LZTS1: variants seen among roughly 807,000 people sequenced by gnomAD.
The protein encoded by LZTS1 is leucine zipper putative tumor suppressor 1.
LZTS1 carries 31 observed loss-of-function variants against 45.8 expected under a neutral mutation model. That is an observed-to-expected ratio of 0.68 (90% confidence interval 0.51 to 0.91). LZTS1 has a LOEUF of 0.91. Among genes scored for constraint, LZTS1 ranks in the 40% least tolerant of loss-of-function variants. The pLI, the probability that LZTS1 is intolerant of heterozygous loss-of-function variation, is 0.00. For missense variants in LZTS1, 821 were observed against 788.9 expected, an observed-to-expected ratio of 1.04 and a Z score of -0.49; for synonymous variants, 359 against 357.3, an observed-to-expected ratio of 1.00 and a Z score of -0.05.
At chr8:20,288,486 G>A (rs574904505) in intron 1 of LZTS1, among the ~76,000 whole-genome samples, 12 of 152,254 alleles carry the variant, frequency 7.9e-5, no homozygotes, top group East Asian at 5.8e-4. Flanking sequence ...GGTATGGGAC[G>A]ATGTACGACA....
rs1318779320 is a variant in LZTS1, at chr8:20,247,163, G to A, written c.*2559C>T. On this transcript the variant is annotated 3_prime_UTR_variant, in exon 4 of 4. Transcript: ENST00000381569. ...ACAAGGCCTGGGGGGGACACATCTGGGCCGGCCTGGGACAGGGCCATGGAG... is the reference window on the plus strand; with the variant it reads ...ACAAGGCCTGGGGGGGACACATCTGAGCCGGCCTGGGACAGGGCCATGGAG... 6.6e-6 allele frequency: 1 copy of A among 152,588 alleles called. No homozygotes were observed. The highest frequency in any genetic ancestry group is 1.5e-5 in the Non-Finnish European group (1 of 68,348). The allele number at this position is 152,588 out of a possible 1,614,324, so 9.5% of individuals were successfully genotyped here. A position where few individuals can be genotyped will look rare whatever the true frequency, so the allele number is the denominator to read the frequency against.
At chr8:20,300,674 T>G (rs570577323) in intron 1 of LZTS1, among the ~76,000 whole-genome samples, 1 of 152,298 alleles carries the variant, frequency 6.6e-6, no homozygotes, top group African/African-American at 2.4e-5. Context: ...ATGCAATCTC[T>G]GCTTCTAGGA....
At chr8:20,299,558 C>T (rs550847819) in intron 1 of LZTS1, among the ~76,000 whole-genome samples, 226 of 152,238 alleles carry the variant, frequency 1.5e-3, no homozygotes, top group African/African-American at 4.9e-3. Flanking sequence ...GCACCTCACA[C>T]GGATAAGACC....
intron 1 of LZTS1, among the ~76,000 whole-genome samples, chr8:20,278,567 T>TAC (rs1397230587): frequency 1.3e-5 from 2 of 152,200 alleles, no homozygotes; most frequent in Non-Finnish European, 2.9e-5. Context: ...TAGTTGTTAA[T>TAC]ACACTTTCAC....
chr8:20,289,891 T>A (rs1217161556), intron 1 of LZTS1: 1 of 152,160 alleles, frequency 6.6e-6, no homozygotes, highest in Non-Finnish European at 1.5e-5. Flanking sequence ...TTGAACTCAG[T>A]GTCTCAATCC....
intron 1 of LZTS1, among the ~76,000 whole-genome samples, chr8:20,300,181 C>A (rs1801050326): frequency 6.6e-6 from 1 of 152,140 alleles, no homozygotes; most frequent in Non-Finnish European, 1.5e-5. Flanking sequence ...AAGTCAGTGG[C>A]CACACTAGCA....
At chr8:20,281,741 A>G (rs1343320460) in intron 1 of LZTS1, among the ~76,000 whole-genome samples, 2 of 152,334 alleles carry the variant, frequency 1.3e-5, no homozygotes, top group Non-Finnish European at 2.9e-5. Flanking sequence ...CACCATGGAT[A>G]AAAGCTTCCT....
chr8:20,292,341 G>A (rs1057099059), intron 1 of LZTS1, among the ~76,000 whole-genome samples: 6 of 152,172 alleles, frequency 3.9e-5, no homozygotes, highest in Middle Eastern at 3.2e-3. Context: ...ATGTAGTGTC[G>A]CTCTATGGGT....
In LZTS1 at chr8:20,250,306, T is replaced by A; in HGVS notation, c.1207A>T (p.Thr403Ser). Residue 403 changes from threonine to serine, a missense_variant, in exon 4 of 4, where the codon ACG becomes TCG. Physicochemically the swap from Thr to Ser is moderately conservative, Grantham distance 58 (BLOSUM62 1). Transcript: ENST00000381569. The stretch of plus-strand genomic sequence containing the variant: ...TCGCTAGCCTTGGCGTTCACCTCCG[T>A]CTGGGACTCCTTCAGCTGCTGCTTC... ...LLKQQLKESQ[T>S]EVNAKASEIL... 1 of 1,613,318 alleles carries A rather than the reference T, an allele frequency of 6.2e-7. No homozygotes were observed. Among genetic ancestry groups the A allele is most frequent in the East Asian group, 2.2e-5 (1 of 44,852 alleles).
chr8:20,251,446 G>C lies in LZTS1; in HGVS notation c.1150-1083C>G, dbSNP rs925738860. 2.6e-5 allele frequency among the ~76,000 whole-genome samples: 4 copies of C among 151,320 alleles called. No individual in the cohort carries two copies. The South Asian group carries it at 8.3e-4, about 31-fold the overall frequency. The stretch of plus-strand genomic sequence containing the variant: ...AAATTTCTACTGTGAAAGGAAATGT[G>C]AAGGTGGCTTCCAGGCTAGTTCCAA... On this transcript the variant is annotated intron_variant, in intron 3 of 3. Coordinates refer to ENST00000381569, the MANE Select transcript of LZTS1 (RefSeq NM_021020.5).
At chr8:20,271,724 C>A (rs188620404) in intron 1 of LZTS1, among the ~76,000 whole-genome samples, 1 of 152,246 alleles carries the variant, frequency 6.6e-6, no homozygotes, top group Non-Finnish European at 1.5e-5. Flanking sequence ...TCTCCCTCCC[C>A]CTTGCCTTCC....
Position 20,254,823 on chromosome 8 carries a change from C to T in LZTS1, c.345+14G>A, listed in dbSNP as rs762738765. ...TTTCCAACCCACTTACCCTTGCCAG[C>T]GACCCCCGCTTACCATTTCTAGCTG... On this transcript the variant is annotated intron_variant, in intron 2 of 3. Transcript: ENST00000381569. 14 of 1,586,284 alleles carry T rather than the reference C, an allele frequency of 8.8e-6. No individual in the cohort carries two copies. Among genetic ancestry groups the T allele is most frequent in the Admixed American group, 5.2e-5 (3 of 57,564 alleles).
chr8:20,288,423 G>T (rs1800835643), intron 1 of LZTS1, among the ~76,000 whole-genome samples: 1 of 152,172 alleles, frequency 6.6e-6, no homozygotes, highest in African/African-American at 2.4e-5. Context: ...CCAGGGCGGG[G>T]AGGACACAGC....
chr8:20,284,776 A>G (rs1563891609), intron 1 of LZTS1, among the ~76,000 whole-genome samples: 2 of 151,898 alleles, frequency 1.3e-5, no homozygotes, highest in East Asian at 1.9e-4. Flanking sequence ...TCTGCCTCCA[A>G]CCCATTCTAC....
chr8:20,268,688 C>T (rs565870625), intron 1 of LZTS1, among the ~76,000 whole-genome samples: 1 of 143,750 alleles, frequency 7.0e-6, no homozygotes, highest in South Asian at 2.2e-4. Context: ...GAAAAAGAGG[C>T]GAGAGTGGAG....
At chr8:20,250,558 A>G (rs963054531) in intron 3 of LZTS1, among the ~76,000 whole-genome samples, 195 bp from the exon 4 acceptor site, 1 of 152,216 alleles carries the variant, frequency 6.6e-6, no homozygotes, top group Non-Finnish European at 1.5e-5. Flanking sequence ...GCTAGGCTAT[A>G]TAGTAAAATG....
chr8:20,272,827 G>A (rs1267956737), intron 1 of LZTS1, among the ~76,000 whole-genome samples: 6 of 152,068 alleles, frequency 3.9e-5, no homozygotes, highest in Non-Finnish European at 5.9e-5. Flanking sequence ...TCTCGTCAAC[G>A]CCAACCTTCT....
intron 1 of LZTS1, among the ~76,000 whole-genome samples, chr8:20,298,121 G>A (rs1281036770): frequency 6.6e-6 from 1 of 151,996 alleles, no homozygotes; most frequent in Non-Finnish European, 1.5e-5. Context: ...GAGTGCAGCA[G>A]TGTGATCTCC....
intron 1 of LZTS1, among the ~76,000 whole-genome samples, chr8:20,301,871 C>A (rs1285750449): frequency 6.6e-6 from 1 of 152,164 alleles, no homozygotes; most frequent in Non-Finnish European, 1.5e-5. Context: ...AGGTTTACCT[C>A]GTGAAGCACA....
Sources: gnomAD v4.1 joint callset for allele counts (sites outside exome capture counted in the v4.1 genomes callset) on GRCh38, gnomAD v4.1.1 for gene constraint, MANE v1.5 for transcripts, NCBI Gene and HGNC (gene_info 2026-07-23, HGNC 2026-07-21) for gene names.